SLC35F1: variants seen among roughly 807,000 people sequenced by gnomAD.
SLC35F1 encodes the protein chromosome 6 open reading frame 169.
In SLC35F1, 14 loss-of-function variants were observed where a neutral mutation model predicts 48.7. The observed-to-expected ratio is 0.29, with a 90% CI of 0.19 to 0.45. The LOEUF (loss-of-function observed/expected upper bound fraction) is 0.45, where lower values mean the gene tolerates loss of function less well. SLC35F1 is among the 20% of genes least tolerant of loss of function. The pLI is 1.00. For synonymous variants in SLC35F1, 190 were observed against 202.2 expected, an observed-to-expected ratio of 0.94 and a Z score of 0.51; for missense variants, 404 against 500.0, an observed-to-expected ratio of 0.81 and a Z score of 1.83.
Position 118,039,873 on chromosome 6 carries a change from T to A in SLC35F1, c.174-114572T>A, listed in dbSNP as rs1439239624. ...TTCTTTGTATGTGTATGCTGGACAC[T>A]AAATGTTATGTTATATAGACTTTGG... On this transcript the variant is annotated intron_variant, in intron 1 of 7. Transcript: ENST00000360388. Among the ~76,000 whole-genome samples, 9 of 83,006 alleles carry A rather than the reference T, an allele frequency of 1.1e-4. No individual in the cohort carries two copies. The Admixed American group carries it at 1.5e-3, about 14-fold the overall frequency. The allele number at this position is 83,006 out of a possible 152,430, so 54.5% of individuals were successfully genotyped here.
intron 1 of SLC35F1, among the ~76,000 whole-genome samples, chr6:118,140,491 A>G (rs1026995736): frequency 1.3e-5 from 2 of 152,216 alleles, no homozygotes; most frequent in East Asian, 1.9e-4. Context: ...TATGTACAGT[A>G]ATACTTGTAC....
intron 2 of SLC35F1, among the ~76,000 whole-genome samples, chr6:118,209,775 T>C (rs1033514020): frequency 2.6e-5 from 4 of 152,278 alleles, no homozygotes; most frequent in African/African-American, 7.2e-5. Context: ...TCTTAAATAA[T>C]CTTCAGAGAG....
intron 2 of SLC35F1, among the ~76,000 whole-genome samples, chr6:118,221,667 T>C (rs1562329935): frequency 1.3e-5 from 2 of 152,204 alleles, no homozygotes. Flanking sequence ...TTCAATCTTA[T>C]AGAAAAGTAG....
chr6:118,218,042 T>C (rs1298970614), intron 2 of SLC35F1, among the ~76,000 whole-genome samples: 1 of 152,168 alleles, frequency 6.6e-6, no homozygotes, highest in Admixed American at 6.6e-5. Flanking sequence ...CTGATCTTCA[T>C]TCCAAAGTAG....
chr6:118,262,631 T>C (rs192356203), intron 3 of SLC35F1, among the ~76,000 whole-genome samples: 1 of 152,308 alleles, frequency 6.6e-6, no homozygotes, highest in Admixed American at 6.5e-5. Flanking sequence ...AATTTGCTTT[T>C]CTCTTAGACC....
At chr6:118,291,658 C>G (rs1776124648) in intron 7 of SLC35F1, among the ~76,000 whole-genome samples, 1 of 152,160 alleles carries the variant, frequency 6.6e-6, no homozygotes, top group Non-Finnish European at 1.5e-5. Flanking sequence ...CTGGTGGCTT[C>G]CATATACGTC....
intron 1 of SLC35F1, among the ~76,000 whole-genome samples, chr6:117,988,350 A>G (rs904520252): frequency 2.0e-5 from 3 of 152,204 alleles, no homozygotes; most frequent in Non-Finnish European, 4.4e-5. Context: ...AAACCCATCT[A>G]GGCTAATACA....
chr6:118,107,693 G>A (rs1026841819), intron 1 of SLC35F1, among the ~76,000 whole-genome samples: 5 of 151,968 alleles, frequency 3.3e-5, no homozygotes, highest in African/African-American at 1.2e-4. Context: ...GAACTTGTGT[G>A]TAAGTTAGAA....
At chr6:118,091,796 C>T (rs1157710386) in intron 1 of SLC35F1, among the ~76,000 whole-genome samples, 2 of 152,120 alleles carry the variant, frequency 1.3e-5, no homozygotes, top group African/African-American at 2.4e-5. Context: ...AAACCTTTGA[C>T]CAAAATGCTG....
At chr6:118,192,761 C>T (rs1045483449) in intron 2 of SLC35F1, among the ~76,000 whole-genome samples, 2 of 152,030 alleles carry the variant, frequency 1.3e-5, no homozygotes, top group African/African-American at 2.4e-5. Context: ...ACAATGCTTC[C>T]CTTATAACTT....
At chr6:117,941,984 G>T (rs1212482587) in intron 1 of SLC35F1, among the ~76,000 whole-genome samples, 1 of 152,178 alleles carries the variant, frequency 6.6e-6, no homozygotes, top group Non-Finnish European at 1.5e-5. Flanking sequence ...ACATCTGTGT[G>T]CCAGGAAGAC....
At chr6:118,230,330 C>T (rs535722519) in intron 2 of SLC35F1, among the ~76,000 whole-genome samples, 31 of 114,410 alleles carry the variant, frequency 2.7e-4, no homozygotes, top group African/African-American at 9.9e-4. Flanking sequence ...CACAGCAAGA[C>T]TCCATCTACA....
intron 1 of SLC35F1, among the ~76,000 whole-genome samples, chr6:117,917,501 AC>A (rs140895697): frequency 0.02 from 3,036 of 152,006 alleles, 41 homozygotes; most frequent in Non-Finnish European, 0.032. Context: ...AGTGGTTTGC[AC>A]TGGGAGGTGG....
intron 3 of SLC35F1, among the ~76,000 whole-genome samples, chr6:118,251,693 T>C (rs568769747): frequency 8.5e-5 from 13 of 152,242 alleles, no homozygotes; most frequent in East Asian, 1.9e-4. Flanking sequence ...AGATTCTAAA[T>C]AGTTTTAAGT....
chr6:117,936,518 T>C (rs1210859322), intron 1 of SLC35F1, among the ~76,000 whole-genome samples: 1 of 152,228 alleles, frequency 6.6e-6, no homozygotes, highest in Non-Finnish European at 1.5e-5. Context: ...TTATCTGGAT[T>C]GTGGTTTTCC....
chr6:118,230,339 C>A (rs201015663), intron 2 of SLC35F1, among the ~76,000 whole-genome samples: 4 of 146,618 alleles, frequency 2.7e-5, no homozygotes, highest in African/African-American at 7.5e-5. Flanking sequence ...ACTCCATCTA[C>A]AAAAAAAAAA....
intron 1 of SLC35F1, among the ~76,000 whole-genome samples, chr6:117,921,799 C>T (rs1775902859): frequency 6.6e-6 from 1 of 152,130 alleles, no homozygotes; most frequent in African/African-American, 2.4e-5. Flanking sequence ...GGAAGAAAAA[C>T]ACCATTTAAT....
At chr6:117,957,304 G>A (rs1049480332) in intron 1 of SLC35F1, among the ~76,000 whole-genome samples, 2 of 152,234 alleles carry the variant, frequency 1.3e-5, no homozygotes, top group South Asian at 4.1e-4. Flanking sequence ...TCAGAGGTTA[G>A]TGAGCCTCAA....
At chr6:118,274,015 C>A (rs1775889998) in intron 4 of SLC35F1, among the ~76,000 whole-genome samples, 1 of 152,222 alleles carries the variant, frequency 6.6e-6, no homozygotes, top group African/African-American at 2.4e-5. Context: ...TGCCCAGATT[C>A]TTTGATGTGA....
Sources: allele counts gnomAD v4.1 joint callset (sites outside exome capture counted in the v4.1 genomes callset), GRCh38; gene constraint gnomAD v4.1.1; transcripts MANE v1.5; gene names NCBI Gene and HGNC (gene_info 2026-07-23, HGNC 2026-07-21).